Variants in RBM20 observed in about 807,000 individuals in gnomAD.
RBM20 encodes the protein RNA binding motif protein 20.
A neutral mutation model predicts 110.1 loss-of-function variants in RBM20; 51 were observed. The observed-to-expected ratio is 0.46, with a 90% CI of 0.37 to 0.59. RBM20 has a LOEUF of 0.59. Among genes scored for constraint, RBM20 ranks in the 20% least tolerant of loss-of-function variants. RBM20 has a pLI of 0.00. For synonymous variants in RBM20, 589 were observed against 618.2 expected, an observed-to-expected ratio of 0.95 and a Z score of 0.70; for missense variants, 1,512 against 1,574.9, an observed-to-expected ratio of 0.96 and a Z score of 0.68.
intron 1 of RBM20, among the ~76,000 whole-genome samples, chr10:110,711,773 A>G (rs547550148): frequency 6.6e-6 from 1 of 152,358 alleles, no homozygotes; most frequent in African/African-American, 2.4e-5. Flanking sequence ...GCTTAGTATC[A>G]TCTGCGTACA....
At chr10:110,767,182 T>C (rs1415105586) in intron 1 of RBM20, among the ~76,000 whole-genome samples, 1 of 99,594 alleles carries the variant, frequency 1.0e-5, no homozygotes, top group Non-Finnish European at 2.1e-5. Flanking sequence ...CCCACCTCCC[T>C]CCCAGACGGG....
rs139609725 is a variant in RBM20 at position 110,789,325 on chromosome 10, G to A, written c.1527+4436G>A. 5.6e-3 allele frequency among the ~76,000 whole-genome samples: 848 copies of A among 152,216 alleles called. 7 individuals are homozygous for A. Among genetic ancestry groups the A allele is most frequent in the Non-Finnish European group, 8.1e-3 (553 of 68,034 alleles). ...TCTGCCACTGCCACCAAGCCCTTCTGGGGACAGACTTGGCTGCATTTAAAC... is the reference window on the plus strand; with the variant it reads ...TCTGCCACTGCCACCAAGCCCTTCTAGGGACAGACTTGGCTGCATTTAAAC... On this transcript the variant is annotated intron_variant, in intron 5 of 13. Transcript: ENST00000369519.
intron 1 of RBM20, among the ~76,000 whole-genome samples, chr10:110,768,908 C>T: frequency 6.6e-6 from 1 of 151,262 alleles, no homozygotes; most frequent in East Asian, 1.9e-4. Flanking sequence ...TTGTGTTTGA[C>T]CCTTTGTGGA....
chr10:110,823,353 T>G, intron 11 of RBM20, 127 bp from the exon 12 acceptor site: 1 of 1,230,888 alleles, frequency 8.1e-7, no homozygotes, highest in African/African-American at 1.5e-5. Context: ...CTTATGTGAT[T>G]AAGCAGTCCA....
Position 110,708,243 on chromosome 10 carries a change from T to C in RBM20, c.191+63598T>C, listed in dbSNP as rs76449689. On this transcript the variant is annotated intron_variant, in intron 1 of 13. Coordinates refer to ENST00000369519, the MANE Select transcript of RBM20 (RefSeq NM_001134363.3). ...GAACAAGGGCCCCACATTTTCATTT[T>C]GCAGTGTGCCCTGCAAATTATGAGC... is the stretch of plus-strand genomic sequence containing the variant. Among the ~76,000 whole-genome samples the C allele has an allele frequency of 8.1e-3, 1,234 of 152,350 alleles. 20 individuals carry two copies. The highest frequency in any genetic ancestry group is 0.028 in the African/African-American group (1,159 of 41,582).
intron 1 of RBM20, among the ~76,000 whole-genome samples, chr10:110,691,105 G>GCTTGAT (rs1554890113): frequency 6.6e-6 from 1 of 152,188 alleles, no homozygotes; most frequent in Non-Finnish European, 1.5e-5. Flanking sequence ...ACACGAAAGA[G>GCTTGAT]CTTGCTCTTG....
chr10:110,820,927 T>A (rs1362451598), intron 10 of RBM20, among the ~76,000 whole-genome samples: 5 of 152,232 alleles, frequency 3.3e-5, no homozygotes, highest in Admixed American at 1.3e-4. Context: ...CATTTAGTGA[T>A]GACCCAGATG....
rs934672655 is a variant in RBM20, at chr10:110,751,867, C to CT, written c.192-28925dup. On this transcript the variant is annotated intron_variant, in intron 1 of 13. Transcript: ENST00000369519. ...AGAGCAGATCCTCTGCTCAGGCACA[C>CT]TTTTTTTTTCTTTCTGAAAGACTGT... Among the ~76,000 whole-genome samples the CT allele has an allele frequency of 1.6e-3, 238 of 151,616 alleles. 1 individual carries two copies. The highest frequency in any genetic ancestry group is 5.5e-3 in the African/African-American group (226 of 41,330).
intron 1 of RBM20, among the ~76,000 whole-genome samples, chr10:110,660,910 G>C (rs1477963460): frequency 1.3e-5 from 2 of 152,088 alleles, no homozygotes; most frequent in South Asian, 2.1e-4. Flanking sequence ...GTGCCGAAAA[G>C]GTTGGGGACC....
chr10:110,744,100 A>G (rs1178683475), intron 1 of RBM20, among the ~76,000 whole-genome samples: 2 of 152,156 alleles, frequency 1.3e-5, no homozygotes, highest in African/African-American at 4.8e-5. Flanking sequence ...CAGCTCTTCC[A>G]CTTGCTGGCT....
chr10:110,742,420 C>T (rs1343037610), intron 1 of RBM20, among the ~76,000 whole-genome samples: 1 of 152,190 alleles, frequency 6.6e-6, no homozygotes, highest in African/African-American at 2.4e-5. Context: ...TGGACTTGGA[C>T]AGTTTTGCTG....
At chr10:110,732,367 C>T (rs1843628343) in intron 1 of RBM20, among the ~76,000 whole-genome samples, 1 of 152,136 alleles carries the variant, frequency 6.6e-6, no homozygotes, top group Non-Finnish European at 1.5e-5. Context: ...TGAAAATGGG[C>T]ATCCCTTCTC....
At chr10:110,699,953 A>G (rs1032368891) in intron 1 of RBM20, among the ~76,000 whole-genome samples, 1 of 152,204 alleles carries the variant, frequency 6.6e-6, no homozygotes, top group African/African-American at 2.4e-5. Flanking sequence ...GACAGCATGT[A>G]TATGCTGGAC....
At chr10:110,732,381 C>T (rs1424506325) in intron 1 of RBM20, among the ~76,000 whole-genome samples, 1 of 152,204 alleles carries the variant, frequency 6.6e-6, no homozygotes, top group Non-Finnish European at 1.5e-5. Flanking sequence ...CCTTCTCCAG[C>T]TTCCTCTCAG....
At chr10:110,659,222 C>G (rs1862066027) in intron 1 of RBM20, among the ~76,000 whole-genome samples, 1 of 152,190 alleles carries the variant, frequency 6.6e-6, no homozygotes, top group Non-Finnish European at 1.5e-5. Context: ...GACTGCCTGT[C>G]TGAAAGGGCT....
chr10:110,835,658 G>A, intron 13 of RBM20: 1 of 442,992 alleles, frequency 2.3e-6, no homozygotes, highest in Non-Finnish European at 4.0e-6. Flanking sequence ...TTTTCTACAG[G>A]AGACATGTAT....
intron 1 of RBM20, among the ~76,000 whole-genome samples, chr10:110,693,793 A>G (rs925398551): frequency 1.3e-5 from 2 of 152,228 alleles, no homozygotes; most frequent in Non-Finnish European, 2.9e-5. Flanking sequence ...TTATCAGGCT[A>G]TATAAAAATG....
At chr10:110,764,322 C>A (rs550059099) in intron 1 of RBM20, among the ~76,000 whole-genome samples, 100 of 152,212 alleles carry the variant, frequency 6.6e-4, no homozygotes, top group Admixed American at 1.6e-3. Context: ...ACAGCAGCAA[C>A]AACAAAAAAT....
At chr10:110,713,773 C>G (rs564697393) in intron 1 of RBM20, among the ~76,000 whole-genome samples, 4 of 152,148 alleles carry the variant, frequency 2.6e-5, no homozygotes, top group Non-Finnish European at 4.4e-5. Context: ...GAAATGGAAG[C>G]TTAGAGAGGG....
Sources: allele counts gnomAD v4.1 joint callset (sites outside exome capture counted in the v4.1 genomes callset), GRCh38; gene constraint gnomAD v4.1.1; transcripts MANE v1.5; gene names NCBI Gene and HGNC (gene_info 2026-07-23, HGNC 2026-07-21).